GRIK4: variants seen among roughly 807,000 people sequenced by gnomAD.
GRIK4 encodes glutamate ionotropic receptor kainate type subunit 4.
GRIK4 carries 40 observed loss-of-function variants against 104.9 expected under a neutral mutation model. The observed-to-expected ratio is 0.38, with a 90% CI of 0.30 to 0.50. The LOEUF is 0.50. Among genes scored for constraint, GRIK4 ranks in the 20% least tolerant of loss-of-function variants. The pLI is 0.93. For synonymous variants in GRIK4, 485 were observed against 524.9 expected (o/e 0.92, Z 1.04); for missense variants, 1,047 against 1,308.1 (o/e 0.80, Z 3.08).
intron 1 of GRIK4, among the ~76,000 whole-genome samples, chr11:120,612,679 G>T (rs553821189): frequency 6.6e-6 from 1 of 152,224 alleles, no homozygotes; most frequent in Non-Finnish European, 1.5e-5. Flanking sequence ...GAAGGCAAAA[G>T]ATCTCAGTTA....
At position 120,912,979 on chromosome 11, in the gene GRIK4, ATCTG is replaced by A. The variant is rs1197421657; in HGVS notation, c.1476+7491_1476+7494del. On this transcript the variant is annotated intron_variant, in intron 13 of 20. Coordinates refer to ENST00000527524, the MANE Select transcript of GRIK4 (RefSeq NM_014619.5). ...TGGGAACCAGCACAGTCAGGCAAGT[ATCTG>A]TCTGGGCATTGTCTTAACCTCTTGA... Among the ~76,000 whole-genome samples, 12 of 152,316 alleles carry A rather than the reference ATCTG, an allele frequency of 7.9e-5. No homozygotes were observed. The East Asian group carries it at 2.1e-3, about 27-fold the overall frequency.
At position 120,952,580 on chromosome 11, in the gene GRIK4, C is replaced by A. The variant is rs1944027541; in HGVS notation, c.1591-275C>A. Among the ~76,000 whole-genome samples the A allele has an allele frequency of 6.6e-6, 1 of 152,156 alleles. No homozygotes were observed. The highest frequency in any genetic ancestry group is 2.1e-4 in the South Asian group (1 of 4,826). On this transcript the variant is annotated intron_variant, in intron 14 of 20. Transcript: ENST00000527524. This position sits in a 1 kb window ranked among gnomAD's most constrained non-coding sequence, Gnocchi z 5.2. Reference sequence around the variant, plus strand: ...TACTTCGGGGCACTGAGGGTTGTTCCTCTTTGCCAGCACAAAGCCTGCCTC... The same window carrying A: ...TACTTCGGGGCACTGAGGGTTGTTCATCTTTGCCAGCACAAAGCCTGCCTC...
chr11:120,979,801 G>A (rs560750016), intron 19 of GRIK4, among the ~76,000 whole-genome samples: 146 of 152,234 alleles, frequency 9.6e-4, no homozygotes, highest in African/African-American at 3.4e-3. Context: ...AGAGGAATGC[G>A]AGACCCTCTG....
chr11:120,936,189 T>C (rs758597811), intron 13 of GRIK4: 8 of 320,208 alleles, frequency 2.5e-5, no homozygotes, highest in African/African-American at 1.5e-4. Flanking sequence ...TGCAGCAATA[T>C]CCTTTGGCAT....
At chr11:120,725,796 A>G (rs1435489499) in intron 3 of GRIK4, among the ~76,000 whole-genome samples, 1 of 152,156 alleles carries the variant, frequency 6.6e-6, no homozygotes, top group African/African-American at 2.4e-5. Flanking sequence ...TCCCTTGGCC[A>G]TATCCAGAGG....
At chr11:120,700,693 G>A (rs13377589) in intron 3 of GRIK4, among the ~76,000 whole-genome samples, 2,493 of 152,176 alleles carry the variant, frequency 0.016, 77 homozygotes, top group African/African-American at 0.056. Context: ...TCCCGACCTC[G>A]TGATCCGCCC....
chr11:120,698,703 G>A (rs1390546535), intron 3 of GRIK4, among the ~76,000 whole-genome samples: 2 of 152,098 alleles, frequency 1.3e-5, no homozygotes, highest in African/African-American at 2.4e-5. Flanking sequence ...AGTTTGCAGT[G>A]CAGTTCCTGC....
rs920222969 is a variant in GRIK4 at position 120,939,872 on chromosome 11, C to T, written c.1477-475C>T. On this transcript the variant is annotated intron_variant, in intron 13 of 20. Transcript: ENST00000527524. This position sits in a 1 kb window ranked among gnomAD's most constrained non-coding sequence, Gnocchi z 5.6. ...GCCCACGCCTGTAGTTCCAGCTACT[C>T]GGGAAGCTGAGGCAGGAGAATCGCT... Among the ~76,000 whole-genome samples the T allele has an allele frequency of 6.6e-6, 1 of 151,868 alleles. No homozygotes were observed. Among genetic ancestry groups the T allele is most frequent in the Non-Finnish European group, 1.5e-5 (1 of 67,984 alleles).
At chr11:120,708,377 C>T (rs1950664661) in intron 3 of GRIK4, among the ~76,000 whole-genome samples, 1 of 152,006 alleles carries the variant, frequency 6.6e-6, no homozygotes, top group African/African-American at 2.4e-5. Flanking sequence ...AAAATACATC[C>T]CCTCCCACCT....
At chr11:120,657,763 C>G (rs1784829137) in intron 2 of GRIK4, among the ~76,000 whole-genome samples, 2 of 152,210 alleles carry the variant, frequency 1.3e-5, no homozygotes, top group South Asian at 4.2e-4. Flanking sequence ...TGACAAGGCT[C>G]TGCGTGTGGA....
chr11:120,959,648 C>G (rs1944245495), intron 16 of GRIK4, among the ~76,000 whole-genome samples: 1 of 152,256 alleles, frequency 6.6e-6, no homozygotes, highest in African/African-American at 2.4e-5. Context: ...AATGAACACA[C>G]AGTTTTTAAT....
At chr11:120,799,565 C>A (rs1242322245) in intron 3 of GRIK4, among the ~76,000 whole-genome samples, 1 of 152,182 alleles carries the variant, frequency 6.6e-6, no homozygotes, top group African/African-American at 2.4e-5. Context: ...GGCTCACTTC[C>A]CTCCTCTGTC....
intron 2 of GRIK4, among the ~76,000 whole-genome samples, chr11:120,655,061 GTTTA>G (rs1451278835): frequency 3.9e-5 from 6 of 152,086 alleles, no homozygotes; most frequent in African/African-American, 1.4e-4. Context: ...GGCCCCGTCT[GTTTA>G]TTTATTCATT....
chr11:120,802,875 G>A lies in GRIK4; in HGVS notation c.247+18G>A, dbSNP rs758740255. 2 of 1,610,756 alleles carry A rather than the reference G, an allele frequency of 1.2e-6. No homozygotes were observed. The highest frequency in any genetic ancestry group is 1.7e-6 in the Non-Finnish European group (2 of 1,177,122). On this transcript the variant is annotated intron_variant, in intron 4 of 20. Transcript: ENST00000527524. ...AGAAACCAGTACGTAGACTGGGCAG[G>A]GCTGCCTCTTCCCTTGCTGGCAGAG...
intron 1 of GRIK4, among the ~76,000 whole-genome samples, chr11:120,516,341 C>T (rs1235685400): frequency 6.6e-6 from 1 of 152,068 alleles, no homozygotes; most frequent in Non-Finnish European, 1.5e-5. Context: ...GGAAGACTCA[C>T]AGTGAGGAGG....
Position 120,522,568 on chromosome 11 carries a change from G to A in GRIK4, c.-159+10681G>A, listed in dbSNP as rs12278707. Among the ~76,000 whole-genome samples the A allele has an allele frequency of 6.8e-3, 1,029 of 152,140 alleles. 14 individuals carry two copies. The highest frequency in any genetic ancestry group is 0.024 in the African/African-American group (991 of 41,516). On this transcript the variant is annotated intron_variant, in intron 1 of 20. Transcript: ENST00000527524. ...ACCCCTGACCTCAGGTGATCCGCCC[G>A]CCTTGGCCTCCCAAAGTGCTGGGAT...
In GRIK4 at chr11:120,978,467, G is replaced by A. The variant is rs373199664; in HGVS notation, c.2396-3639G>A. ...AGGAGCAAAGGTATGGAAGGTAAGA[G>A]CAACGATGCTGTGTGCTGGGAACTA... is the stretch of plus-strand genomic sequence containing the variant. On this transcript the variant is annotated intron_variant, in intron 19 of 20. Coordinates refer to ENST00000527524, the MANE Select transcript of GRIK4 (RefSeq NM_014619.5). 9.2e-5 allele frequency among the ~76,000 whole-genome samples: 14 copies of A among 152,292 alleles called. No individual in the cohort carries two copies. In the East Asian group the frequency reaches 1.7e-3, roughly 19 times the overall value.
chr11:120,602,124 C>T (rs377307992), intron 1 of GRIK4, among the ~76,000 whole-genome samples: 14 of 152,146 alleles, frequency 9.2e-5, no homozygotes, highest in Admixed American at 2.6e-4. Flanking sequence ...TTTCATCCAG[C>T]GGCTCCTTAC....
intron 8 of GRIK4, among the ~76,000 whole-genome samples, chr11:120,858,071 C>T (rs1386265970): frequency 6.6e-6 from 1 of 152,118 alleles, no homozygotes; most frequent in Non-Finnish European, 1.5e-5. Flanking sequence ...TCAGGATATC[C>T]CTTCCTGGGA....
Sources: allele counts gnomAD v4.1 joint callset (sites outside exome capture counted in the v4.1 genomes callset), GRCh38; gene constraint gnomAD v4.1.1; non-coding constraint Gnocchi (gnomAD v3.1); transcripts MANE v1.5; gene names NCBI Gene and HGNC (gene_info 2026-07-23, HGNC 2026-07-21).